Variants in BLMH observed in about 807,000 individuals in gnomAD.
The protein encoded by BLMH is bleomycin hydrolase.
Under a neutral mutation model 61.6 loss-of-function variants are expected in BLMH, and 32 were observed. The observed-to-expected ratio is 0.52, with a 90% CI of 0.39 to 0.70. The LOEUF (loss-of-function observed/expected upper bound fraction) is 0.70, where lower values mean the gene tolerates loss of function less well. BLMH is among the 30% of genes least tolerant of loss of function. The probability of loss-of-function intolerance (pLI) is 0.00; values close to 1 mark genes in which losing one functional copy is unlikely to be tolerated. For synonymous variants in BLMH, 183 were observed against 193.8 expected, an observed-to-expected ratio of 0.94 and a Z score of 0.46; for missense variants, 460 against 555.5, an observed-to-expected ratio of 0.83 and a Z score of 1.73.
chr17:30,267,560 G>A (rs1254952788), intron 10 of BLMH, among the ~76,000 whole-genome samples: 2 of 152,076 alleles, frequency 1.3e-5, no homozygotes, highest in African/African-American at 4.8e-5. Context: ...CAAAGCAAAA[G>A]TAAAAAGACC....
intron 11 of BLMH, among the ~76,000 whole-genome samples, chr17:30,255,834 T>C (rs951387911): frequency 2.0e-5 from 3 of 152,092 alleles, no homozygotes; most frequent in African/African-American, 7.2e-5. Context: ...CAGGCAGAGG[T>C]TGCAGTGAGC....
At chr17:30,267,098 A>G (rs1036279896) in intron 10 of BLMH, 144 bp from the exon 11 acceptor site, 29 of 657,098 alleles carry the variant, frequency 4.4e-5, no homozygotes, top group Non-Finnish European at 6.2e-5. Flanking sequence ...AGCCTGCTCT[A>G]AACAGTACTT....
intron 6 of BLMH, among the ~76,000 whole-genome samples, chr17:30,283,543 G>A (rs1302464394): frequency 1.6e-5 from 2 of 128,292 alleles, no homozygotes; most frequent in African/African-American, 3.1e-5. Context: ...TTTTTTTGGA[G>A]ACGGAGTCTC....
intron 4 of BLMH, among the ~76,000 whole-genome samples, chr17:30,287,401 C>A (rs1462986789): frequency 6.6e-6 from 1 of 152,172 alleles, no homozygotes; most frequent in Non-Finnish European, 1.5e-5. Context: ...CACTTCTCAG[C>A]CTTTTGGTCA....
rs867772695 is a variant in BLMH, at chr17:30,288,532, T to C, written c.322-585A>G. Reference sequence around the variant, plus strand: ...GCGTGGCTAATTTTTGTATTTTTTGTAGAGATGGGGTTTCGCCAGGTCCAG... The same window carrying C: ...GCGTGGCTAATTTTTGTATTTTTTGCAGAGATGGGGTTTCGCCAGGTCCAG... On this transcript the variant is annotated intron_variant, in intron 3 of 11. Coordinates refer to ENST00000261714, the MANE Select transcript of BLMH (RefSeq NM_000386.4). 2.6e-5 allele frequency among the ~76,000 whole-genome samples: 4 copies of C among 152,060 alleles called. No homozygotes were observed. In the South Asian group the frequency reaches 8.3e-4, roughly 31 times the overall value.
intron 6 of BLMH, among the ~76,000 whole-genome samples, chr17:30,277,100 C>A (rs1908443909): frequency 1.3e-5 from 2 of 151,626 alleles, no homozygotes; most frequent in South Asian, 4.1e-4. Context: ...GTTATGCTTG[C>A]CTGTCATTTT....
At chr17:30,268,060 C>G (rs1369824003) in intron 10 of BLMH, among the ~76,000 whole-genome samples, 1 of 152,194 alleles carries the variant, frequency 6.6e-6, no homozygotes, top group Non-Finnish European at 1.5e-5. Context: ...GCCCCCAAAT[C>G]CTTTAAAACC....
intron 11 of BLMH, among the ~76,000 whole-genome samples, chr17:30,261,806 G>C (rs900527543): frequency 7.2e-5 from 11 of 152,196 alleles, no homozygotes; most frequent in African/African-American, 2.7e-4. Context: ...TTTTTAGGAA[G>C]CAGCAGAAAT....
chr17:30,278,949 G>A (rs1567837532), intron 6 of BLMH, among the ~76,000 whole-genome samples: 1 of 152,234 alleles, frequency 6.6e-6, no homozygotes, highest in Admixed American at 6.5e-5. Flanking sequence ...ATAGGCGTAA[G>A]CCGCCACACC....
At chr17:30,253,307 T>G (rs1907721675) in intron 11 of BLMH, among the ~76,000 whole-genome samples, 1 of 152,216 alleles carries the variant, frequency 6.6e-6, no homozygotes, top group Non-Finnish European at 1.5e-5. Context: ...CATATCAGAT[T>G]AAGTCCTCAC....
chr17:30,274,116 GATA>G lies in BLMH; in HGVS notation c.724_726del (p.Tyr242del), dbSNP rs1908353584. 1.9e-6 allele frequency: 3 copies of G among 1,614,048 alleles called. No homozygotes were observed. The stretch of plus-strand genomic sequence containing the variant: ...AAGGGTGTTATGGGGCCAATTTTCT[GATA>G]ATTTTTATCTTTGTCTCGATATTCC... On this transcript the variant is annotated inframe_deletion, in exon 7 of 12. Coordinates refer to ENST00000261714, the MANE Select transcript of BLMH (RefSeq NM_000386.4).
At chr17:30,265,581 T>A (rs1908080083) in intron 11 of BLMH, among the ~76,000 whole-genome samples, 1 of 152,150 alleles carries the variant, frequency 6.6e-6, no homozygotes, top group African/African-American at 2.4e-5. Flanking sequence ...TCCTGTTGGG[T>A]AAAATGTATG....
chr17:30,266,838 A>C, intron 11 of BLMH, 47 bp downstream of exon 11: 7 of 1,549,298 alleles, frequency 4.5e-6, no homozygotes, highest in South Asian at 1.1e-5. Flanking sequence ...CAGGCAGAGT[A>C]GAGCAGGCCC....
intron 1 of BLMH, 70 bp downstream of exon 1, chr17:30,291,737 C>T: frequency 7.0e-7 from 1 of 1,422,428 alleles, no homozygotes; most frequent in East Asian, 2.5e-5. Context: ...CCGGCCTTCC[C>T]CGCCGCCGGG....
At chr17:30,289,242 G>A in intron 3 of BLMH, 131 bp downstream of exon 3, 1 of 462,260 alleles carries the variant, frequency 2.2e-6, no homozygotes, top group Non-Finnish European at 3.7e-6. Context: ...TGATACTCTG[G>A]AAGTCAGAAT....
chr17:30,256,613 A>T lies in BLMH; in HGVS notation c.1217-7445T>A, dbSNP rs113008772. On this transcript the variant is annotated intron_variant, in intron 11 of 11. Coordinates refer to ENST00000261714, the MANE Select transcript of BLMH (RefSeq NM_000386.4). ...CCAAAGTGCTGGGATTACAGGCGTAAGCCATCGTGCCCGGCCCATTTTTTG... is the reference window on the plus strand; with the variant it reads ...CCAAAGTGCTGGGATTACAGGCGTATGCCATCGTGCCCGGCCCATTTTTTG... Among the ~76,000 whole-genome samples the T allele has an allele frequency of 1.8e-3, 279 of 152,338 alleles. 1 individual carries two copies. The highest frequency in any genetic ancestry group is 6.0e-3 in the African/African-American group (248 of 41,580).
chr17:30,266,534 A>G (rs1207504208), intron 11 of BLMH, among the ~76,000 whole-genome samples: 2 of 149,868 alleles, frequency 1.3e-5, no homozygotes, highest in Admixed American at 1.3e-4. Flanking sequence ...AAAAAAAAAA[A>G]AAAAGAAAAA....
chr17:30,280,062 C>T (rs922476944), intron 6 of BLMH, among the ~76,000 whole-genome samples: 2 of 152,080 alleles, frequency 1.3e-5, no homozygotes, highest in Admixed American at 1.3e-4. Flanking sequence ...ATCTTAGAAG[C>T]GTGAGAACCT....
chr17:30,268,998 C>A (rs1196947392), intron 10 of BLMH, among the ~76,000 whole-genome samples: 1 of 150,128 alleles, frequency 6.7e-6, no homozygotes, highest in Non-Finnish European at 1.5e-5. Flanking sequence ...TGAGATTGTG[C>A]CACTGCACTC....
Sources: allele counts gnomAD v4.1 joint callset (sites outside exome capture counted in the v4.1 genomes callset), GRCh38; gene constraint gnomAD v4.1.1; transcripts MANE v1.5; gene names NCBI Gene and HGNC (gene_info 2026-07-23, HGNC 2026-07-21).